The following PCDHGA7 variants were observed in gnomAD, a reference collection of about 807,000 sequenced individuals.
PCDHGA7 encodes protocadherin gamma-A7.
A neutral mutation model predicts 58.3 loss-of-function variants in PCDHGA7; 44 were observed. The ratio of observed to expected loss-of-function variants is 0.75; its 90% CI spans 0.59 to 0.97. The LOEUF is 0.97. Ranked by LOEUF, PCDHGA7 falls within the 50% of genes least tolerant of loss-of-function variation. The probability of loss-of-function intolerance (pLI) is 0.00; values close to 1 mark genes in which losing one functional copy is unlikely to be tolerated. For synonymous variants in PCDHGA7, 516 were observed against 504.2 expected (o/e 1.02, Z -0.31); for missense variants, 1,266 against 1,188.7 (o/e 1.06, Z -0.96).
At chr5:141,449,369 G>A (rs561017816) in intron 1 of PCDHGA7, among the ~76,000 whole-genome samples, 4 of 152,068 alleles carry the variant, frequency 2.6e-5, no homozygotes, top group South Asian at 4.2e-4. Flanking sequence ...CACTTTGGGA[G>A]GCTGAGGCAG....
Position 141,489,595 on chromosome 5 carries a change from G to A in PCDHGA7, c.2425-5212G>A. The A allele has an allele frequency of 1.2e-6, 2 of 1,614,132 alleles. No individual in the cohort carries two copies. Among genetic ancestry groups the A allele is most frequent in the Non-Finnish European group, 1.7e-6 (2 of 1,180,004 alleles). On this transcript the variant is annotated intron_variant, in intron 1 of 3. Coordinates refer to ENST00000518325, the MANE Select transcript of PCDHGA7 (RefSeq NM_018920.4). The surrounding 1 kb of genome is among the most constrained non-coding windows in gnomAD (Gnocchi z 4.5). Reference sequence around the variant, plus strand: ...TGAACACCCCCTGGAGCTAATCCGTGTAGAGGTAGAGATCCTGGATCTCAA... The same window carrying A: ...TGAACACCCCCTGGAGCTAATCCGTATAGAGGTAGAGATCCTGGATCTCAA...
rs1202101252 is a variant in PCDHGA7 at position 141,385,259 on chromosome 5, A to G, written c.2360A>G (p.Lys787Arg). 1.2e-6 allele frequency: 2 copies of G among 1,613,774 alleles called. No homozygotes were observed. The highest frequency in any genetic ancestry group is 1.6e-4 in the Middle Eastern group (1 of 6,062). ...CTCATCAGCCAGGAGAGCTGTGAGA[A>G]AAATGATTCTTTGCTAACATCCGTA... The part of the protein sequence containing the change: ...DMLISQESCE[K>R]NDSLLTSVDF... Residue 787 changes from lysine to arginine, a missense_variant, in exon 1 of 4, where the codon AAA becomes AGA. By Grantham distance (26) the Lys-to-Arg change is conservative. Transcript: ENST00000518325.
At chr5:141,484,155 T>G (rs2099592564) in intron 1 of PCDHGA7, among the ~76,000 whole-genome samples, 1 of 152,224 alleles carries the variant, frequency 6.6e-6, no homozygotes, top group Non-Finnish European at 1.5e-5. Context: ...GTAGGCACAA[T>G]GCTGTTGGTA....
At chr5:141,509,650 T>C (rs1484029268) in intron 3 of PCDHGA7, among the ~76,000 whole-genome samples, 1 of 152,188 alleles carries the variant, frequency 6.6e-6, no homozygotes, top group African/African-American at 2.4e-5. Context: ...GGCCAGAGTG[T>C]GGACTTCTCT....
intron 1 of PCDHGA7, chr5:141,405,249 G>C: frequency 1.2e-6 from 2 of 1,614,128 alleles, no homozygotes; most frequent in Non-Finnish European, 1.7e-6. Flanking sequence ...TCAAGGAAGA[G>C]TCACCTGATC....
At chr5:141,407,932 C>T (rs1465007397) in intron 1 of PCDHGA7, 7 of 504,268 alleles carry the variant, frequency 1.4e-5, no homozygotes, top group Non-Finnish European at 2.0e-5. Context: ...CACGGAGCCT[C>T]TGGGCGCCGC....
rs1226463441 is a variant in PCDHGA7, at chr5:141,432,906, T to A, written c.2424+47583T>A. 6.2e-7 allele frequency: 1 copy of A among 1,614,176 alleles called. No individual in the cohort carries two copies. The highest frequency in any genetic ancestry group is 8.5e-7 in the Non-Finnish European group (1 of 1,180,002). ...GTCATCTTGCTGCTGGCGCTCAGGC[T>A]GCGGCGCTGGCACAAGTCACGCCTG... On this transcript the variant is annotated intron_variant, in intron 1 of 3. Coordinates refer to ENST00000518325, the MANE Select transcript of PCDHGA7 (RefSeq NM_018920.4). The surrounding 1 kb of genome is among the most constrained non-coding windows in gnomAD (Gnocchi z 6.0).
At chr5:141,407,559 G>A (rs1210777840) in intron 1 of PCDHGA7, among the ~76,000 whole-genome samples, 1 of 151,834 alleles carries the variant, frequency 6.6e-6, no homozygotes, top group African/African-American at 2.4e-5. Context: ...TAGAACATAA[G>A]CTGAAAGATA....
Position 141,383,840 on chromosome 5 carries a change from T to G in PCDHGA7, c.941T>G (p.Phe314Cys). The G allele has an allele frequency of 1.2e-6, 2 of 1,613,952 alleles. No homozygotes were observed. The highest frequency in any genetic ancestry group is 2.2e-5 in the South Asian group (2 of 91,084). The change falls in exon 1 of 4, where the codon TTC becomes TGC. Residue 314 changes from phenylalanine to cysteine, a missense_variant. Phe to Cys is a radical substitution (Grantham distance 205). Transcript: ENST00000518325. The stretch of plus-strand genomic sequence containing the variant: ...GGATTAGATTATGAAGAAACTGCCT[T>G]CTATGAAATGGAGGTTCAGGCTCAA... ...LEGLDYEETA[F>C]YEMEVQAQDG...
At chr5:141,462,523 G>GTGTT (rs2099041548) in intron 1 of PCDHGA7, among the ~76,000 whole-genome samples, 1 of 152,024 alleles carries the variant, frequency 6.6e-6, no homozygotes, top group African/African-American at 2.4e-5. Context: ...GTTAGTAAGA[G>GTGTT]TGTTGTTCAG....
At chr5:141,460,435 A>G (rs1002182353) in intron 1 of PCDHGA7, among the ~76,000 whole-genome samples, 1 of 152,144 alleles carries the variant, frequency 6.6e-6, no homozygotes, top group Admixed American at 6.6e-5. Context: ...GTATGGTGTG[A>G]GGTAACAATG....
At chr5:141,387,999 G>A (rs923312530) in intron 1 of PCDHGA7, 2 of 1,487,266 alleles carry the variant, frequency 1.3e-6, no homozygotes, top group Non-Finnish European at 1.8e-6. Flanking sequence ...CAGGATTCCC[G>A]AGGAAATGCC....
chr5:141,480,887 A>T (rs2099527301), intron 1 of PCDHGA7, among the ~76,000 whole-genome samples: 1 of 152,146 alleles, frequency 6.6e-6, no homozygotes. Flanking sequence ...TCTACTAAAA[A>T]TGCAAACATT....
At position 141,407,205 on chromosome 5, in the gene PCDHGA7, C is replaced by T. The variant is rs146299905; in HGVS notation, c.2424+21882C>T. 1.4e-3 allele frequency among the ~76,000 whole-genome samples: 213 copies of T among 152,308 alleles called. 1 individual carries two copies. Among genetic ancestry groups the T allele is most frequent in the African/African-American group, 4.8e-3 (199 of 41,572 alleles). On this transcript the variant is annotated intron_variant, in intron 1 of 3. Coordinates refer to ENST00000518325, the MANE Select transcript of PCDHGA7 (RefSeq NM_018920.4). ...ATTTTAATTATTTCAAACACGTTTTCCCCCTTAAGTGGGTAGCAAAAAAAA... is the reference window on the plus strand; with the variant it reads ...ATTTTAATTATTTCAAACACGTTTTTCCCCTTAAGTGGGTAGCAAAAAAAA...
chr5:141,393,360 C>T, intron 1 of PCDHGA7: 1 of 1,613,968 alleles, frequency 6.2e-7, no homozygotes, highest in Non-Finnish European at 8.5e-7. Flanking sequence ...CCTGGACGTG[C>T]AGACTGGAGA....
rs1262043820 is a variant in PCDHGA7, at chr5:141,415,755, T to TTG, written c.2424+30433_2424+30434insGT. Reference sequence around the variant, plus strand: ...GTTTATTAAGGTTTTTTTTTTTTTTTTTTTTTTTTTTTTTTTTACTTTCTG... The same window carrying TTG: ...GTTTATTAAGGTTTTTTTTTTTTTTTTGTTTTTTTTTTTTTTTTTACTTTCTG... On this transcript the variant is annotated intron_variant, in intron 1 of 3. Transcript: ENST00000518325. 56 of 1,387,630 alleles carry TTG rather than the reference T, an allele frequency of 4.0e-5. No individual in the cohort carries two copies. The African/African-American group carries it at 7.5e-4, about 19-fold the overall frequency. The allele number at this position is 1,387,630 out of a possible 1,614,324, so 86.0% of individuals were successfully genotyped here. A position where few individuals can be genotyped will look rare whatever the true frequency, so the allele number is the denominator to read the frequency against.
chr5:141,440,564 A>G (rs531383065), intron 1 of PCDHGA7: 1 of 152,248 alleles, frequency 6.6e-6, no homozygotes, highest in Admixed American at 6.5e-5. Context: ...TAAGTTACGT[A>G]TCTCTGAGTT....
intron 2 of PCDHGA7, among the ~76,000 whole-genome samples, chr5:141,500,329 C>G (rs1384834356): frequency 6.6e-6 from 1 of 151,986 alleles, no homozygotes; most frequent in Non-Finnish European, 1.5e-5. Flanking sequence ...CTGCCTCAGC[C>G]TCCAGAATAG....
chr5:141,388,558 C>T (rs928285766), intron 1 of PCDHGA7: 21 of 1,613,792 alleles, frequency 1.3e-5, no homozygotes, highest in African/African-American at 2.7e-5. Flanking sequence ...CTAAGCAGCA[C>T]TGCACAGATA....
Sources: allele counts gnomAD v4.1 joint callset (sites outside exome capture counted in the v4.1 genomes callset), GRCh38; gene constraint gnomAD v4.1.1; non-coding constraint Gnocchi (gnomAD v3.1); transcripts MANE v1.5; gene names NCBI Gene and HGNC (gene_info 2026-07-23, HGNC 2026-07-21).